The following ASAP2 variants were observed in gnomAD, a reference collection of about 807,000 sequenced individuals.
ASAP2 encodes arf-GAP with SH3 domain, ANK repeat and PH domain-containing protein 2.
Under a neutral mutation model 131.4 loss-of-function variants are expected in ASAP2, and 45 were observed. The ratio of observed to expected loss-of-function variants is 0.34; its 90% CI spans 0.27 to 0.44. The LOEUF (loss-of-function observed/expected upper bound fraction) is 0.44. Ranked by LOEUF, ASAP2 falls within the 20% of genes least tolerant of loss-of-function variation. The pLI is 1.00. For missense variants in ASAP2, 1,011 were observed against 1,297.0 expected (o/e 0.78, Z 3.39); for synonymous variants, 510 against 503.0 (o/e 1.01, Z -0.19).
chr2:9,222,931 G>C (rs1311768904), intron 1 of ASAP2, among the ~76,000 whole-genome samples: 1 of 151,882 alleles, frequency 6.6e-6, no homozygotes, highest in Non-Finnish European at 1.5e-5. Context: ...TTTCCTCTTT[G>C]TTTTCTCTTG....
intron 1 of ASAP2, among the ~76,000 whole-genome samples, chr2:9,214,797 A>C (rs901962620): frequency 1.3e-5 from 2 of 149,784 alleles, no homozygotes; most frequent in African/African-American, 5.0e-5. Context: ...AAAAAAAAAA[A>C]AGTGAACAGG....
intron 6 of ASAP2, 149 bp downstream of exon 6, chr2:9,323,399 A>C: frequency 8.1e-7 from 1 of 1,240,294 alleles, no homozygotes; most frequent in Non-Finnish European, 1.1e-6. Flanking sequence ...CATTTCTTTT[A>C]CTAGGGAAGC....
In ASAP2 at chr2:9,268,906, G is replaced by T. The variant is rs532080871; in HGVS notation, c.127-10411G>T. On this transcript the variant is annotated intron_variant, in intron 1 of 27. Transcript: ENST00000281419. This position sits in a 1 kb window ranked among gnomAD's most constrained non-coding sequence, Gnocchi z 4.1. ...AGCCTCTTCCCACCCCTGCTGGTTC[G>T]CATTGAGAACTCAGGGTGCTGGGGA... 1.3e-5 allele frequency among the ~76,000 whole-genome samples: 2 copies of T among 152,288 alleles called. No homozygotes were observed. The highest frequency in any genetic ancestry group is 2.1e-4 in the South Asian group (1 of 4,826).
chr2:9,277,724 A>AT (rs1363910261), intron 1 of ASAP2, among the ~76,000 whole-genome samples: 1 of 152,166 alleles, frequency 6.6e-6, no homozygotes, highest in Non-Finnish European at 1.5e-5. Context: ...ACTCTCACCT[A>AT]TATCTTTACT....
intron 9 of ASAP2, among the ~76,000 whole-genome samples, chr2:9,342,831 C>T (rs1414700192): frequency 5.3e-5 from 8 of 152,216 alleles, no homozygotes; most frequent in Admixed American, 1.3e-4. Flanking sequence ...TGGGTGCTGA[C>T]CACGTGACCG....
At chr2:9,297,263 G>A in intron 2 of ASAP2, 37 bp from the exon 3 acceptor site, 1 of 1,605,686 alleles carries the variant, frequency 6.2e-7, no homozygotes. Flanking sequence ...AGGGTGGCAT[G>A]CCTGAGACTC....
At chr2:9,221,299 GT>G (rs1309558159) in intron 1 of ASAP2, among the ~76,000 whole-genome samples, 2 of 149,434 alleles carry the variant, frequency 1.3e-5, no homozygotes, top group Admixed American at 1.3e-4. Flanking sequence ...GAACTTGGAA[GT>G]TTTTTTCATT....
intron 2 of ASAP2, among the ~76,000 whole-genome samples, chr2:9,286,577 T>A (rs1397077523): frequency 6.6e-6 from 1 of 152,136 alleles, no homozygotes; most frequent in African/African-American, 2.4e-5. Context: ...ACTGAAAACA[T>A]GCACGCAGAG....
At chr2:9,320,844 T>G (rs1405021790) in intron 5 of ASAP2, among the ~76,000 whole-genome samples, 1 of 152,200 alleles carries the variant, frequency 6.6e-6, no homozygotes, top group East Asian at 1.9e-4. Flanking sequence ...AATGGAGAAT[T>G]GATTCTTGGA....
At chr2:9,276,072 A>C (rs1666742183) in intron 1 of ASAP2, among the ~76,000 whole-genome samples, 1 of 152,190 alleles carries the variant, frequency 6.6e-6, no homozygotes. Flanking sequence ...GTGTTTCTCT[A>C]GGTGATTATC....
chr2:9,263,258 C>A (rs1308829614), intron 1 of ASAP2, among the ~76,000 whole-genome samples: 1 of 152,208 alleles, frequency 6.6e-6, no homozygotes, highest in Non-Finnish European at 1.5e-5. Context: ...GCTCTCCTGC[C>A]ATTCCCAGGG....
chr2:9,343,244 C>T (rs2148598560), intron 9 of ASAP2, among the ~76,000 whole-genome samples: 1 of 152,308 alleles, frequency 6.6e-6, no homozygotes, highest in Non-Finnish European at 1.5e-5. Flanking sequence ...GTCCCTGTTT[C>T]TCCCATTATG....
rs146496900 is a variant in ASAP2 at position 9,218,919 on chromosome 2, T to C, written c.126+11689T>C. 3.9e-5 allele frequency among the ~76,000 whole-genome samples: 6 copies of C among 152,362 alleles called. No individual in the cohort carries two copies. The East Asian group carries it at 1.2e-3, about 29-fold the overall frequency. Reference sequence around the variant, plus strand: ...TCTTTAAAGATTCCCTCCTTGGAGATATCACTGGAGTTGATGTGGTGGTTG... The same window carrying C: ...TCTTTAAAGATTCCCTCCTTGGAGACATCACTGGAGTTGATGTGGTGGTTG... On this transcript the variant is annotated intron_variant, in intron 1 of 27. Transcript: ENST00000281419.
chr2:9,274,068 GA>G (rs1407165625), intron 1 of ASAP2, among the ~76,000 whole-genome samples: 2 of 152,188 alleles, frequency 1.3e-5, no homozygotes, highest in African/African-American at 4.8e-5. Flanking sequence ...AGTTATGTCA[GA>G]TCTCTTTCAC....
chr2:9,270,002 G>T (rs1400040565), intron 1 of ASAP2, among the ~76,000 whole-genome samples: 7 of 152,168 alleles, frequency 4.6e-5, no homozygotes, highest in Non-Finnish European at 1.0e-4. Flanking sequence ...AAGAGTTTGG[G>T]AACTCCAAAC....
At chr2:9,283,475 C>T (rs1380328513) in intron 2 of ASAP2, among the ~76,000 whole-genome samples, 1 of 152,164 alleles carries the variant, frequency 6.6e-6, no homozygotes, top group Non-Finnish European at 1.5e-5. Flanking sequence ...GTTAACAGGG[C>T]TCCTTCCCTG....
intron 2 of ASAP2, 127 bp from the exon 3 acceptor site, chr2:9,297,173 G>A: frequency 8.5e-7 from 1 of 1,180,592 alleles, no homozygotes; most frequent in Non-Finnish European, 1.2e-6. Flanking sequence ...TGTTCCTGGT[G>A]CAGCTTGACT....
chr2:9,309,942 A>C (rs1669192880), intron 3 of ASAP2, among the ~76,000 whole-genome samples: 1 of 152,218 alleles, frequency 6.6e-6, no homozygotes, highest in South Asian at 2.1e-4. Context: ...TGCCTCACAC[A>C]CATGTTGTAG....
chr2:9,400,926 C>T, intron 26 of ASAP2, 96 bp downstream of exon 26: 2 of 1,287,066 alleles, frequency 1.6e-6, no homozygotes, highest in East Asian at 4.9e-5. Flanking sequence ...TCCCCTCTTC[C>T]CCTGGCTGGG....
Sources: allele counts gnomAD v4.1 joint callset (sites outside exome capture counted in the v4.1 genomes callset), GRCh38; gene constraint gnomAD v4.1.1; non-coding constraint Gnocchi (gnomAD v3.1); transcripts MANE v1.5; gene names NCBI Gene and HGNC (gene_info 2026-07-23, HGNC 2026-07-21).